The following SLC13A3 variants were observed in gnomAD, a reference collection of about 807,000 sequenced individuals.
The protein encoded by SLC13A3 is solute carrier family 13 member 3.
SLC13A3 carries 40 observed loss-of-function variants against 59.0 expected under a neutral mutation model. The observed-to-expected ratio is 0.68, with a 90% CI of 0.53 to 0.88. The LOEUF (loss-of-function observed/expected upper bound fraction) is 0.88, where lower values mean the gene tolerates loss of function less well. SLC13A3 is among the 40% of genes least tolerant of loss of function. SLC13A3 has a pLI of 0.00. For missense variants in SLC13A3, 699 were observed against 783.2 expected (o/e 0.89, Z 1.28); for synonymous variants, 317 against 330.3 (o/e 0.96, Z 0.44).
At chr20:46,650,407 C>T (rs933197007) in intron 1 of SLC13A3, among the ~76,000 whole-genome samples, 18 of 152,114 alleles carry the variant, frequency 1.2e-4, no homozygotes, top group African/African-American at 3.9e-4. Context: ...CTCTGAGACG[C>T]GTTGAAATGA....
At chr20:46,615,372 G>A (rs548913742) in intron 1 of SLC13A3, among the ~76,000 whole-genome samples, 2 of 152,108 alleles carry the variant, frequency 1.3e-5, no homozygotes, top group Non-Finnish European at 2.9e-5. Flanking sequence ...CAGCGAAACA[G>A]GACAGGTATC....
chr20:46,565,854 C>A (rs1418715307), intron 11 of SLC13A3, among the ~76,000 whole-genome samples: 1 of 152,158 alleles, frequency 6.6e-6, no homozygotes, highest in Non-Finnish European at 1.5e-5. Flanking sequence ...TGTTGAAACC[C>A]CTGCTTTAGA....
intron 9 of SLC13A3, among the ~76,000 whole-genome samples, chr20:46,580,442 T>A (rs2062124526): frequency 6.7e-6 from 1 of 148,246 alleles, no homozygotes; most frequent in South Asian, 2.1e-4. Flanking sequence ...ATAGGTCAAA[T>A]ATATATAAAT....
intron 3 of SLC13A3, among the ~76,000 whole-genome samples, chr20:46,607,037 G>A (rs913958806): frequency 3.3e-5 from 5 of 152,224 alleles, no homozygotes; most frequent in Non-Finnish European, 7.3e-5. Flanking sequence ...CTCTGTACCA[G>A]GCACCATGGC....
At chr20:46,638,394 A>G (rs2062814732) in intron 1 of SLC13A3, among the ~76,000 whole-genome samples, 1 of 152,216 alleles carries the variant, frequency 6.6e-6, no homozygotes, top group Admixed American at 6.5e-5. Flanking sequence ...AGAAAGGTGC[A>G]GGAGGCATGG....
At chr20:46,584,365 G>A in intron 8 of SLC13A3, 1 of 985,374 alleles carries the variant, frequency 1.0e-6, no homozygotes, top group Non-Finnish European at 1.2e-6. Context: ...TTTATTTGCA[G>A]CATTGGACAC....
At chr20:46,620,318 G>T (rs544610290) in intron 1 of SLC13A3, among the ~76,000 whole-genome samples, 38 of 152,276 alleles carry the variant, frequency 2.5e-4, no homozygotes, top group African/African-American at 8.9e-4. Flanking sequence ...TTCATGAAAA[G>T]TATGTATTAT....
chr20:46,568,843 C>T (rs1220332180), intron 10 of SLC13A3, among the ~76,000 whole-genome samples: 1 of 152,240 alleles, frequency 6.6e-6, no homozygotes, highest in Non-Finnish European at 1.5e-5. Flanking sequence ...GGGCTTCCAG[C>T]CAGCATCCTC....
chr20:46,584,232 G>A lies in SLC13A3; in HGVS notation c.1122-563C>T, dbSNP rs182482014. The stretch of plus-strand genomic sequence containing the variant: ...TCGGGGCAGGCACTTTCCATTTCAG[G>A]TGGAGAATCAGAGGGTCAAAGAGCA... On this transcript the variant is annotated intron_variant, in intron 8 of 12. Transcript: ENST00000279027. 5.0e-4 allele frequency: 493 copies of A among 985,414 alleles called. 5 individuals carry two copies. In the African/African-American group the frequency reaches 7.8e-3, roughly 16 times the overall value. 61.0% of individuals were successfully genotyped at this position (985,414 alleles called of 1,614,324 possible).
intron 1 of SLC13A3, among the ~76,000 whole-genome samples, chr20:46,677,691 A>G (rs1037359961): frequency 6.6e-6 from 1 of 152,150 alleles, no homozygotes; most frequent in East Asian, 1.9e-4. Flanking sequence ...TGCAAATTCA[A>G]TGCTCTCAGG....
At chr20:46,625,632 C>T (rs988938515) in intron 1 of SLC13A3, among the ~76,000 whole-genome samples, 1 of 152,236 alleles carries the variant, frequency 6.6e-6, no homozygotes, top group Non-Finnish European at 1.5e-5. Flanking sequence ...TTCCCACATC[C>T]TCTCCAAAAC....
intron 5 of SLC13A3, among the ~76,000 whole-genome samples, chr20:46,595,445 G>A (rs1248102238): frequency 6.6e-6 from 1 of 152,076 alleles, no homozygotes; most frequent in Non-Finnish European, 1.5e-5. Flanking sequence ...ACTTCCAGGG[G>A]TGGGGAGACT....
At chr20:46,613,794 T>C in intron 1 of SLC13A3, 69 bp from the exon 2 acceptor site, 1 of 1,361,882 alleles carries the variant, frequency 7.3e-7, no homozygotes, top group African/African-American at 1.5e-5. Flanking sequence ...GGCCCAGGGC[T>C]CAGGGCAGAG....
Position 46,613,545 on chromosome 20 carries a change from T to A in SLC13A3, c.292A>T (p.Ile98Phe), listed in dbSNP as rs201443231. ...DTNFLFLSGL[I>F]MASAIEEWNL... Reference sequence around the variant, plus strand: ...CACTCCTCAATGGCGCTGGCCATGATCAGCCCACTGAGGAAGAGGAAGTTG... The same window carrying A: ...CACTCCTCAATGGCGCTGGCCATGAACAGCCCACTGAGGAAGAGGAAGTTG... Residue 98 changes from isoleucine (I) to phenylalanine (F), a missense_variant, in exon 2 of 13, where the codon ATC (isoleucine) becomes TTC (phenylalanine). Coordinates refer to ENST00000279027, the MANE Select transcript of SLC13A3 (RefSeq NM_022829.6). 514 of 1,614,030 alleles carry A rather than the reference T, an allele frequency of 3.2e-4. 2 individuals are homozygous for A. The highest frequency in any genetic ancestry group is 3.7e-4 in the South Asian group (34 of 91,034).
chr20:46,683,063 A>G (rs1273103712), intron 1 of SLC13A3, among the ~76,000 whole-genome samples: 3 of 152,086 alleles, frequency 2.0e-5, no homozygotes, highest in Non-Finnish European at 2.9e-5. Context: ...CCAGTCTCCA[A>G]TATCTGCCAC....
At chr20:46,564,460 T>C (rs2061962799) in intron 11 of SLC13A3, among the ~76,000 whole-genome samples, 1 of 152,256 alleles carries the variant, frequency 6.6e-6, no homozygotes, top group Non-Finnish European at 1.5e-5. Context: ...AAAATGTTTT[T>C]TGATTTTGAT....
intron 3 of SLC13A3, chr20:46,609,170 C>A: frequency 7.1e-7 from 1 of 1,411,728 alleles, no homozygotes; most frequent in African/African-American, 1.4e-5. Context: ...AAAAGTAAGA[C>A]ATTTTAAAGT....
At position 46,663,449 on chromosome 20, in the gene SLC13A3, A is replaced by T. The variant is rs533734536; in HGVS notation, c.-31+6594T>A. Among the ~76,000 whole-genome samples, 14 of 152,228 alleles carry T rather than the reference A, an allele frequency of 9.2e-5. 1 individual carries two copies. The South Asian group carries it at 2.5e-3, about 27-fold the overall frequency. On this transcript the variant is annotated intron_variant, in intron 1 of 12. Transcript: ENST00000290317. The stretch of plus-strand genomic sequence containing the variant: ...GACAGATCGAGACCCTGTTTCAAAA[A>T]AAAAAAAAAAGTTGGGGGGCTTTAC...
intron 3 of SLC13A3, among the ~76,000 whole-genome samples, chr20:46,606,910 A>T (rs2062442375): frequency 1.3e-5 from 2 of 152,260 alleles, no homozygotes; most frequent in African/African-American, 4.8e-5. Context: ...TCCCCCAGGA[A>T]GTGCAGGGCA....
Sources: allele counts gnomAD v4.1 joint callset (sites outside exome capture counted in the v4.1 genomes callset), GRCh38; gene constraint gnomAD v4.1.1; transcripts MANE v1.5; gene names NCBI Gene and HGNC (gene_info 2026-07-23, HGNC 2026-07-21).